MAN1A2: variants seen among roughly 807,000 people sequenced by gnomAD.
MAN1A2 encodes the protein mannosidase alpha class 1A member 2.
A neutral mutation model predicts 75.7 loss-of-function variants in MAN1A2; 26 were observed. The ratio of observed to expected loss-of-function variants is 0.34; its 90% CI spans 0.25 to 0.48. The LOEUF is 0.48. Among genes scored for constraint, MAN1A2 ranks in the 20% least tolerant of loss-of-function variants. The pLI, the probability that MAN1A2 is intolerant of heterozygous loss-of-function variation, is 0.99. For synonymous variants in MAN1A2, 247 were observed against 264.6 expected (o/e 0.93, Z 0.65); for missense variants, 562 against 775.5 (o/e 0.72, Z 3.27).
At chr1:117,397,525 A>G (rs569552318) in intron 1 of MAN1A2, among the ~76,000 whole-genome samples, 1 of 152,198 alleles carries the variant, frequency 6.6e-6, no homozygotes, top group African/African-American at 2.4e-5. Context: ...AAACTGTTAC[A>G]TGGCAGTGTT....
chr1:117,414,666 A>T, intron 3 of MAN1A2, 47 bp from the exon 4 acceptor site: 1 of 919,688 alleles, frequency 1.1e-6, no homozygotes, highest in African/African-American at 1.6e-5. Flanking sequence ...GAGAACAGGA[A>T]CCTAAAGGGA....
chr1:117,382,957 A>G (rs980426572), intron 1 of MAN1A2, among the ~76,000 whole-genome samples: 3 of 152,204 alleles, frequency 2.0e-5, no homozygotes, highest in African/African-American at 7.2e-5. Flanking sequence ...TACTATCTGT[A>G]GGATCATGGT....
intron 7 of MAN1A2, among the ~76,000 whole-genome samples, chr1:117,463,491 G>A (rs2101838830): frequency 6.9e-6 from 1 of 144,004 alleles, no homozygotes. Flanking sequence ...ATCTCAAATT[G>A]TATCCAAGAA....
intron 12 of MAN1A2, among the ~76,000 whole-genome samples, chr1:117,521,251 A>G (rs576033955): frequency 8.5e-5 from 13 of 152,206 alleles, no homozygotes; most frequent in Admixed American, 7.9e-4. Flanking sequence ...TGGCTTAGGC[A>G]AGGATTTCAT....
In MAN1A2 at chr1:117,481,070, C is replaced by G. The variant is rs1436342069; in HGVS notation, c.1169-12077C>G. Among the ~76,000 whole-genome samples the G allele has an allele frequency of 2.6e-5, 4 of 151,922 alleles. No homozygotes were observed. The East Asian group carries it at 7.8e-4, about 29-fold the overall frequency. ...ACTTGATCTTCTGTTTCTCCAGTCT[C>G]AGAGAATCCAGCATCCACTGTTCTG... On this transcript the variant is annotated intron_variant, in intron 8 of 12. Coordinates refer to ENST00000356554, the MANE Select transcript of MAN1A2 (RefSeq NM_006699.5).
intron 5 of MAN1A2, among the ~76,000 whole-genome samples, chr1:117,438,681 A>G (rs1648928157): frequency 6.6e-6 from 1 of 152,166 alleles, no homozygotes; most frequent in African/African-American, 2.4e-5. Flanking sequence ...TTCTATGTTT[A>G]GGTAAACAAA....
At chr1:117,446,882 G>A (rs149508805) in intron 6 of MAN1A2, among the ~76,000 whole-genome samples, 1 of 152,158 alleles carries the variant, frequency 6.6e-6, no homozygotes, top group East Asian at 1.9e-4. Context: ...AATATCCCAA[G>A]TATGATTGTG....
intron 7 of MAN1A2, 27 bp downstream of exon 7, chr1:117,460,639 G>T (rs1305552555): frequency 2.5e-6 from 4 of 1,585,284 alleles, no homozygotes; most frequent in Non-Finnish European, 3.4e-6. Flanking sequence ...TCTATTCTTT[G>T]TTTGTTATAA....
intron 6 of MAN1A2, among the ~76,000 whole-genome samples, chr1:117,455,460 C>G (rs2101829220): frequency 6.6e-6 from 1 of 152,086 alleles, no homozygotes; most frequent in South Asian, 2.1e-4. Context: ...AATGGTGTAC[C>G]TGAAAGGATG....
intron 6 of MAN1A2, among the ~76,000 whole-genome samples, chr1:117,446,546 T>C (rs1260103874): frequency 2.6e-5 from 4 of 152,190 alleles, no homozygotes; most frequent in Non-Finnish European, 5.9e-5. Context: ...CTTCAATGCA[T>C]TAGTTTTTTA....
chr1:117,398,673 CAA>C (rs34938045), intron 1 of MAN1A2, among the ~76,000 whole-genome samples: 23 of 114,972 alleles, frequency 2.0e-4, no homozygotes, highest in Middle Eastern at 5.3e-3. Context: ...GACTCTATTT[CAA>C]AAAAAAAAAA....
intron 6 of MAN1A2, among the ~76,000 whole-genome samples, chr1:117,449,154 T>A (rs1227140052): frequency 6.6e-6 from 1 of 152,110 alleles, no homozygotes; most frequent in African/African-American, 2.4e-5. Flanking sequence ...TCTCTCCTTC[T>A]CCTTGGGCTT....
chr1:117,467,584 T>C (rs1418368815), intron 8 of MAN1A2, among the ~76,000 whole-genome samples: 1 of 152,140 alleles, frequency 6.6e-6, no homozygotes, highest in Non-Finnish European at 1.5e-5. Flanking sequence ...TTTTTCTCTT[T>C]ATTTTGAAGA....
intron 1 of MAN1A2, among the ~76,000 whole-genome samples, chr1:117,395,763 A>G (rs549278689): frequency 6.6e-6 from 1 of 152,316 alleles, no homozygotes; most frequent in South Asian, 2.1e-4. Flanking sequence ...GCCAAACTGC[A>G]AAGTTTGAGG....
At chr1:117,522,798 G>A (rs775301266) in intron 12 of MAN1A2, 27 bp from the exon 13 acceptor site, 4 of 1,604,358 alleles carry the variant, frequency 2.5e-6, no homozygotes, top group South Asian at 1.1e-5. Flanking sequence ...TCTAACTGAA[G>A]CTCATTTCTC....
chr1:117,487,495 A>G (rs1031955697), intron 8 of MAN1A2, among the ~76,000 whole-genome samples: 10 of 152,084 alleles, frequency 6.6e-5, no homozygotes, highest in Non-Finnish European at 1.2e-4. Context: ...GCTATACAAG[A>G]AAGTCATAGT....
chr1:117,471,034 TA>T (rs2101847626), intron 8 of MAN1A2, among the ~76,000 whole-genome samples: 1 of 147,668 alleles, frequency 6.8e-6, no homozygotes, highest in Non-Finnish European at 1.5e-5. Context: ...TTTTCTTTTC[TA>T]AAACTTTTTT....
At chr1:117,397,957 A>G (rs1028093893) in intron 1 of MAN1A2, among the ~76,000 whole-genome samples, 1 of 151,110 alleles carries the variant, frequency 6.6e-6, no homozygotes, top group African/African-American at 2.4e-5. Context: ...CGGCCTTACA[A>G]CTCTTTTGAC....
At chr1:117,429,298 G>C (rs373066567) in intron 5 of MAN1A2, among the ~76,000 whole-genome samples, 1 of 135,992 alleles carries the variant, frequency 7.4e-6, no homozygotes, top group African/African-American at 2.7e-5. Flanking sequence ...ATCCTGGCCC[G>C]TTCTCAGTGA....
Sources: allele counts gnomAD v4.1 joint callset (sites outside exome capture counted in the v4.1 genomes callset), GRCh38; gene constraint gnomAD v4.1.1; transcripts MANE v1.5; gene names NCBI Gene and HGNC (gene_info 2026-07-23, HGNC 2026-07-21).